The following AP1S3 variants were observed in gnomAD, a reference collection of about 807,000 sequenced individuals.
The protein encoded by AP1S3 is AP-1 complex subunit sigma-3.
AP1S3 carries 10 observed loss-of-function variants against 20.9 expected under a neutral mutation model. The observed-to-expected ratio is 0.48, with a 90% confidence interval of 0.29 to 0.81. The LOEUF (loss-of-function observed/expected upper bound fraction) is 0.81. Ranked by LOEUF, AP1S3 falls within the 30% of genes least tolerant of loss-of-function variation. AP1S3 has a pLI of 0.08. For missense variants in AP1S3, 154 were observed against 183.8 expected (o/e 0.84, Z 0.94); for synonymous variants, 41 against 61.5 (o/e 0.67, Z 1.56).
chr2:223,812,637 T>C (rs6436437), intron 1 of AP1S3, among the ~76,000 whole-genome samples: 53,629 of 152,014 alleles, frequency 0.35, 9,879 homozygotes, highest in Middle Eastern at 0.43. Flanking sequence ...CACGGAAACT[T>C]TAGTTCTGAA....
chr2:223,833,724 C>T (rs1001462087), intron 1 of AP1S3, among the ~76,000 whole-genome samples: 1 of 152,144 alleles, frequency 6.6e-6, no homozygotes, highest in Non-Finnish European at 1.5e-5. Flanking sequence ...GCCGCCAATT[C>T]TTTCTTACAA....
At chr2:223,833,145 C>CA (rs1435151185) in intron 1 of AP1S3, among the ~76,000 whole-genome samples, 2 of 150,836 alleles carry the variant, frequency 1.3e-5, no homozygotes, top group Admixed American at 6.7e-5. Context: ...ACATGGACTA[C>CA]ATACATCAAA....
intron 1 of AP1S3, among the ~76,000 whole-genome samples, chr2:223,810,105 G>T (rs1691687238): frequency 6.6e-6 from 1 of 152,124 alleles, no homozygotes; most frequent in Non-Finnish European, 1.5e-5. Context: ...GTCCCTCACA[G>T]TTATGGGGAG....
intron 1 of AP1S3, among the ~76,000 whole-genome samples, chr2:223,794,671 T>A (rs527285801): frequency 1.3e-5 from 2 of 152,258 alleles, no homozygotes; most frequent in African/African-American, 4.8e-5. Flanking sequence ...GTCGGAGCAC[T>A]CATTCCTCCA....
intron 1 of AP1S3, among the ~76,000 whole-genome samples, chr2:223,799,228 C>T (rs1691414296): frequency 6.7e-6 from 1 of 149,856 alleles, no homozygotes; most frequent in African/African-American, 2.4e-5. Flanking sequence ...CACACACACA[C>T]ACACACACAC....
chr2:223,828,058 TAAAAAAAAAAAAAAAAAA>T (rs527671959), intron 1 of AP1S3, among the ~76,000 whole-genome samples: 8 of 94,702 alleles, frequency 8.4e-5, no homozygotes, highest in South Asian at 3.3e-4. Context: ...AGACTTCATC[TAAAAAAAAAAAAAAAAAA>T]AAAAAAAAAA....
At chr2:223,789,146 A>C (rs77899788) in intron 1 of AP1S3, among the ~76,000 whole-genome samples, 2 of 151,828 alleles carry the variant, frequency 1.3e-5, no homozygotes, top group Non-Finnish European at 2.9e-5. Context: ...GAAAAAAAAA[A>C]CACTGGATAC....
intron 1 of AP1S3, among the ~76,000 whole-genome samples, chr2:223,836,664 C>T (rs1245454831): frequency 3.9e-5 from 6 of 151,996 alleles, no homozygotes; most frequent in Admixed American, 3.3e-4. Flanking sequence ...CGCTTGAACC[C>T]GGGAGGCAGA....
intron 3 of AP1S3, among the ~76,000 whole-genome samples, chr2:223,769,213 A>G (rs1690551865): frequency 6.6e-6 from 1 of 152,198 alleles, no homozygotes; most frequent in Non-Finnish European, 1.5e-5. Flanking sequence ...TGTATTGTAT[A>G]CTAATTTGAG....
intron 1 of AP1S3, among the ~76,000 whole-genome samples, chr2:223,830,496 A>T (rs922482925): frequency 6.6e-6 from 1 of 151,662 alleles, no homozygotes; most frequent in South Asian, 2.1e-4. Context: ...AAAAAAAAAA[A>T]ATTATCATTC....
At chr2:223,831,646 T>A (rs1433212201) in intron 1 of AP1S3, among the ~76,000 whole-genome samples, 3 of 152,120 alleles carry the variant, frequency 2.0e-5, no homozygotes, top group Non-Finnish European at 4.4e-5. Context: ...AGGGAGACTC[T>A]GAGAGAGAAA....
chr2:223,801,532 C>T (rs1307725205), intron 1 of AP1S3, among the ~76,000 whole-genome samples: 1 of 152,110 alleles, frequency 6.6e-6, no homozygotes, highest in Admixed American at 6.5e-5. Context: ...GCAATCTCCA[C>T]CTGCTGGGAT....
chr2:223,773,955 G>T (rs1690698822), intron 3 of AP1S3, among the ~76,000 whole-genome samples: 1 of 152,196 alleles, frequency 6.6e-6, no homozygotes, highest in Non-Finnish European at 1.5e-5. Flanking sequence ...GGGATAAAAT[G>T]AGTCACAAAG....
chr2:223,767,026 G>T (rs1223065701), intron 3 of AP1S3, among the ~76,000 whole-genome samples: 1 of 151,890 alleles, frequency 6.6e-6, no homozygotes, highest in Non-Finnish European at 1.5e-5. Flanking sequence ...GACACAGGGA[G>T]GGGAACATCA....
At chr2:223,770,072 T>G in intron 3 of AP1S3, 1 of 1,404,370 alleles carries the variant, frequency 7.1e-7, no homozygotes, top group Non-Finnish European at 9.5e-7. Flanking sequence ...ACCGTATATG[T>G]TTAGAGGGAC....
chr2:223,804,980 T>C (rs1284210567), intron 1 of AP1S3, among the ~76,000 whole-genome samples: 2 of 152,128 alleles, frequency 1.3e-5, no homozygotes, highest in African/African-American at 2.4e-5. Flanking sequence ...CATACAACCG[T>C]GAGTCAAATG....
chr2:223,788,787 AG>A (rs1691137786), intron 1 of AP1S3, among the ~76,000 whole-genome samples: 1 of 151,264 alleles, frequency 6.6e-6, no homozygotes, highest in Admixed American at 6.6e-5. Context: ...AAAAAGAAGA[AG>A]AAGAAGAAGA....
chr2:223,836,707 C>A (rs1467922687), intron 1 of AP1S3, among the ~76,000 whole-genome samples: 1 of 152,126 alleles, frequency 6.6e-6, no homozygotes, highest in Non-Finnish European at 1.5e-5. Flanking sequence ...TCAGCCTGGG[C>A]GACAGAGCGA....
chr2:223,801,798 T>C (rs1306153595), intron 1 of AP1S3, among the ~76,000 whole-genome samples: 1 of 152,140 alleles, frequency 6.6e-6, no homozygotes, highest in Non-Finnish European at 1.5e-5. Flanking sequence ...TAACGGTTTC[T>C]GTGACCACCA....
Sources: allele counts gnomAD v4.1 joint callset (sites outside exome capture counted in the v4.1 genomes callset), GRCh38; gene constraint gnomAD v4.1.1; transcripts MANE v1.5; gene names NCBI Gene and HGNC (gene_info 2026-07-23, HGNC 2026-07-21).